ADCY1: variants seen among roughly 807,000 people sequenced by gnomAD.
ADCY1 encodes the protein adenylate cyclase type 1.
In ADCY1, 28 loss-of-function variants were observed where a neutral mutation model predicts 105.4. The observed-to-expected ratio is 0.27, with a 90% CI of 0.20 to 0.36. The LOEUF (loss-of-function observed/expected upper bound fraction) is 0.36. Ranked by LOEUF, ADCY1 falls within the 10% of genes least tolerant of loss-of-function variation. The pLI is 1.00. For missense variants in ADCY1, 977 were observed against 1,434.2 expected, an observed-to-expected ratio of 0.68 and a Z score of 5.15; for synonymous variants, 655 against 623.8, an observed-to-expected ratio of 1.05 and a Z score of -0.75.
intron 8 of ADCY1, chr7:45,664,603 A>G: frequency 9.7e-7 from 1 of 1,028,250 alleles, no homozygotes; most frequent in Non-Finnish European, 1.3e-6. Flanking sequence ...AGCTATCATG[A>G]ACATTTTGTT....
rs898142021 is a variant in ADCY1 at position 45,716,509 on chromosome 7, T to C, written c.*2514T>C. 4 of 153,234 alleles carry C rather than the reference T, an allele frequency of 2.6e-5. No homozygotes were observed. Among genetic ancestry groups the C allele is most frequent in the Admixed American group, 1.3e-4 (2 of 15,300 alleles). The allele number at this position is 153,234 out of a possible 1,614,324, so 9.5% of individuals were successfully genotyped here. A position where few individuals can be genotyped will look rare whatever the true frequency, so the allele number is the denominator to read the frequency against. On this transcript the variant is annotated 3_prime_UTR_variant, in exon 20 of 20. Transcript: ENST00000297323. ...AGCCTGTGAGGGAGTAGTGCGGTGG[T>C]GGTGAGTGTGGCTGCCCTGGCTCCC...
At chr7:45,613,716 A>G (rs1413297167) in intron 3 of ADCY1, among the ~76,000 whole-genome samples, 1 of 152,212 alleles carries the variant, frequency 6.6e-6, no homozygotes, top group Non-Finnish European at 1.5e-5. Flanking sequence ...ACACCTAGAT[A>G]CATTTAACCA....
intron 8 of ADCY1, among the ~76,000 whole-genome samples, chr7:45,672,645 C>T (rs759141991): frequency 1.3e-5 from 2 of 151,830 alleles, no homozygotes; most frequent in African/African-American, 2.4e-5. Flanking sequence ...TTATTTTTTA[C>T]GTTTATCTTT....
At chr7:45,691,723 T>C (rs1416460429) in intron 14 of ADCY1, among the ~76,000 whole-genome samples, 1 of 152,244 alleles carries the variant, frequency 6.6e-6, no homozygotes, top group Non-Finnish European at 1.5e-5. Flanking sequence ...CAATAAACGC[T>C]TAATTCGATG....
At position 45,574,804 on chromosome 7, in the gene ADCY1, G is replaced by C; in HGVS notation, c.261G>C (p.Ala87=). The C allele has an allele frequency of 6.3e-7, 1 of 1,584,022 alleles. No individual in the cohort carries two copies. The highest frequency in any genetic ancestry group is 8.5e-7 in the Non-Finnish European group (1 of 1,170,318). The part of the protein sequence containing the change: ...LAELLGAPGP[A]PGLAKGSHPV... ...AGCTGCTGGGCGCGCCGGGGCCCGC[G>C]CCCGGCCTGGCCAAGGGCTCACACC... is the stretch of plus-strand genomic sequence containing the variant. The change falls in exon 1 of 20, where the codon GCG becomes GCC. Residue 87 remains alanine, a synonymous_variant. Coordinates refer to ENST00000297323, the MANE Select transcript of ADCY1 (RefSeq NM_021116.4). This position sits in a 1 kb window ranked among gnomAD's most constrained non-coding sequence, Gnocchi z 7.0.
chr7:45,700,201 C>A (rs1784971352), intron 14 of ADCY1, among the ~76,000 whole-genome samples: 1 of 152,140 alleles, frequency 6.6e-6, no homozygotes, highest in Admixed American at 6.5e-5. Context: ...TGCACCCTGC[C>A]CAGCCTGCCC....
At chr7:45,684,859 C>T (rs541687881) in intron 11 of ADCY1, 120 bp from the exon 12 acceptor site, 13 of 788,886 alleles carry the variant, frequency 1.6e-5, no homozygotes, top group African/African-American at 1.5e-4. Flanking sequence ...GGGTGAAAAA[C>T]GGATGTGGAC....
At chr7:45,711,685 A>G (rs1785238507) in intron 19 of ADCY1, among the ~76,000 whole-genome samples, 1 of 142,628 alleles carries the variant, frequency 7.0e-6, no homozygotes, top group Non-Finnish European at 1.5e-5. Flanking sequence ...ACATATATAC[A>G]CACACATATA....
At chr7:45,646,464 A>C (rs1794666815) in intron 4 of ADCY1, among the ~76,000 whole-genome samples, 1 of 152,138 alleles carries the variant, frequency 6.6e-6, no homozygotes, top group African/African-American at 2.4e-5. Context: ...GTGAGCACTG[A>C]CTGTGGTTCC....
At chr7:45,639,642 C>A (rs1354299824) in intron 4 of ADCY1, among the ~76,000 whole-genome samples, 3 of 152,256 alleles carry the variant, frequency 2.0e-5, no homozygotes, top group African/African-American at 7.2e-5. Context: ...CTTCTGGGAA[C>A]ATTTTTTTCC....
chr7:45,695,345 C>T (rs1241422799), intron 14 of ADCY1, among the ~76,000 whole-genome samples: 2 of 152,198 alleles, frequency 1.3e-5, no homozygotes, highest in Non-Finnish European at 2.9e-5. Flanking sequence ...TGGTCATTAT[C>T]CCCATGTAAC....
intron 4 of ADCY1, among the ~76,000 whole-genome samples, chr7:45,632,601 T>C (rs1425916267): frequency 1.3e-5 from 2 of 151,896 alleles, no homozygotes; most frequent in Non-Finnish European, 2.9e-5. Flanking sequence ...TCTCTTTCTG[T>C]TACTCAGGCT....
At chr7:45,675,210 T>C (rs1345192838) in intron 8 of ADCY1, among the ~76,000 whole-genome samples, 1 of 152,216 alleles carries the variant, frequency 6.6e-6, no homozygotes, top group African/African-American at 2.4e-5. Context: ...TACAATTTTT[T>C]GTAGTTTATC....
At chr7:45,687,804 G>A (rs1562724507) in intron 14 of ADCY1, among the ~76,000 whole-genome samples, 1 of 152,196 alleles carries the variant, frequency 6.6e-6, no homozygotes, top group African/African-American at 2.4e-5. Context: ...GCTGCCATCT[G>A]TGTGATCTTT....
intron 8 of ADCY1, among the ~76,000 whole-genome samples, chr7:45,670,244 A>G (rs1030558458): frequency 7.2e-5 from 11 of 152,092 alleles, no homozygotes; most frequent in African/African-American, 2.4e-4. Context: ...ACATTTTCAG[A>G]GATGTGTGTA....
chr7:45,645,920 G>A (rs1415050516), intron 4 of ADCY1, among the ~76,000 whole-genome samples: 1 of 149,712 alleles, frequency 6.7e-6, no homozygotes, highest in Admixed American at 6.7e-5. Flanking sequence ...GGGCCTCTGA[G>A]AAGAAATCCT....
At chr7:45,628,280 T>C (rs533837283) in intron 4 of ADCY1, among the ~76,000 whole-genome samples, 1 of 152,330 alleles carries the variant, frequency 6.6e-6, no homozygotes, top group African/African-American at 2.4e-5. Context: ...CCATGGGTTT[T>C]CCTCACACCC....
chr7:45,688,010 A>G (rs543023628), intron 14 of ADCY1, among the ~76,000 whole-genome samples: 2 of 152,248 alleles, frequency 1.3e-5, no homozygotes, highest in African/African-American at 4.8e-5. Context: ...TCACTGTGGA[A>G]GCAGGACCAG....
intron 11 of ADCY1, among the ~76,000 whole-genome samples, chr7:45,683,076 G>A (rs1232068957): frequency 6.6e-6 from 1 of 152,188 alleles, no homozygotes; most frequent in Non-Finnish European, 1.5e-5. Flanking sequence ...GGGATGACAG[G>A]AGTGGCCGAG....
Sources: gnomAD v4.1 joint callset for allele counts (sites outside exome capture counted in the v4.1 genomes callset) on GRCh38, gnomAD v4.1.1 for gene constraint, Gnocchi (gnomAD v3.1) non-coding constraint, MANE v1.5 for transcripts, NCBI Gene and HGNC (gene_info 2026-07-23, HGNC 2026-07-21) for gene names.